Variants in MTA3 observed in about 807,000 individuals in gnomAD.
MTA3 encodes the protein metastasis-associated protein MTA3.
Under a neutral mutation model 83.5 loss-of-function variants are expected in MTA3, and 34 were observed. The ratio of observed to expected loss-of-function variants is 0.41; its 90% CI spans 0.31 to 0.54. The LOEUF is 0.54. Among genes scored for constraint, MTA3 ranks in the 20% least tolerant of loss-of-function variants. The pLI is 0.33. For synonymous variants in MTA3, 303 were observed against 252.7 expected (o/e 1.20, Z -1.89); for missense variants, 761 against 726.4 (o/e 1.05, Z -0.55).
chr2:42,574,341 G>C (rs922930316), intron 2 of MTA3, among the ~76,000 whole-genome samples: 11 of 148,400 alleles, frequency 7.4e-5, no homozygotes, highest in Non-Finnish European at 1.5e-4. Context: ...TGGTCAGGCT[G>C]GTCTCGAACT....
intron 8 of MTA3, among the ~76,000 whole-genome samples, chr2:42,670,975 A>G (rs1270354673): frequency 1.3e-5 from 2 of 151,994 alleles, no homozygotes; most frequent in East Asian, 3.9e-4. Flanking sequence ...AATGTTCTTT[A>G]TGGCAAAAGA....
At chr2:42,624,898 C>T (rs907091541) in intron 4 of MTA3, among the ~76,000 whole-genome samples, 9 of 152,212 alleles carry the variant, frequency 5.9e-5, no homozygotes, top group Non-Finnish European at 8.8e-5. Flanking sequence ...CTCCATTCTT[C>T]GCATGTTATC....
intron 8 of MTA3, among the ~76,000 whole-genome samples, chr2:42,674,017 A>G (rs1008948631): frequency 1.3e-5 from 2 of 152,226 alleles, no homozygotes; most frequent in African/African-American, 4.8e-5. Context: ...CAGATTGTCT[A>G]GGATTCTGCT....
intron 2 of MTA3, among the ~76,000 whole-genome samples, chr2:42,549,265 C>T (rs1450356928): frequency 4.4e-5 from 5 of 114,406 alleles, no homozygotes; most frequent in South Asian, 5.0e-4. Context: ...ATATTATATA[C>T]GTGTACGTAT....
In MTA3 at chr2:42,666,276, G is replaced by GA. The variant is rs375258268; in HGVS notation, c.702+6421dup. Among the ~76,000 whole-genome samples the GA allele has an allele frequency of 6.3e-3, 951 of 151,962 alleles. 6 individuals are homozygous for GA. Among genetic ancestry groups the GA allele is most frequent in the African/African-American group, 0.022 (899 of 41,488 alleles). ...TGGGTGACAGAGCGAGACTCCATCT[G>GA]AAAAAAACAAAACAAAACAAAGCGT... On this transcript the variant is annotated intron_variant, in intron 8 of 16. Transcript: ENST00000405094.
chr2:42,716,581 A>G (rs1026486343), intron 14 of MTA3, among the ~76,000 whole-genome samples: 2 of 152,138 alleles, frequency 1.3e-5, no homozygotes, highest in Admixed American at 1.3e-4. Context: ...AACATGCAGT[A>G]TTTGGTTTTC....
chr2:42,726,000 C>T (rs1667786639), intron 16 of MTA3, among the ~76,000 whole-genome samples: 1 of 152,136 alleles, frequency 6.6e-6, no homozygotes, highest in African/African-American at 2.4e-5. Flanking sequence ...GTATAGGATC[C>T]TGATTAACCA....
chr2:42,554,233 C>CA (rs1277096247), intron 2 of MTA3, among the ~76,000 whole-genome samples: 1 of 151,766 alleles, frequency 6.6e-6, no homozygotes, highest in Non-Finnish European at 1.5e-5. Context: ...GACTCCGTCT[C>CA]AAAAAAAATA....
intron 2 of MTA3, among the ~76,000 whole-genome samples, chr2:42,524,838 A>AG (rs1558413528): frequency 6.8e-6 from 1 of 147,396 alleles, no homozygotes; most frequent in East Asian, 2.0e-4. Context: ...AAAAAAAAAA[A>AG]AAGAAAAAAA....
intron 4 of MTA3, among the ~76,000 whole-genome samples, chr2:42,614,528 C>T (rs918466620): frequency 5.3e-5 from 8 of 152,186 alleles, no homozygotes; most frequent in Admixed American, 1.3e-4. Flanking sequence ...CAACACAACT[C>T]CTCACAATTA....
At chr2:42,607,009 G>A (rs1290638137) in intron 3 of MTA3, among the ~76,000 whole-genome samples, 2 of 148,756 alleles carry the variant, frequency 1.3e-5, no homozygotes, top group Non-Finnish European at 3.0e-5. Flanking sequence ...AGTGAGCCGA[G>A]ATGGCAGCAG....
intron 11 of MTA3, among the ~76,000 whole-genome samples, chr2:42,701,422 CAA>C (rs139663615): frequency 1.7e-5 from 2 of 117,018 alleles, no homozygotes; most frequent in African/African-American, 3.2e-5. Context: ...CTGTATCTAT[CAA>C]AAAAAAAAAA....
chr2:42,610,460 C>T (rs1313360325), intron 4 of MTA3, among the ~76,000 whole-genome samples: 1 of 152,154 alleles, frequency 6.6e-6, no homozygotes, highest in Non-Finnish European at 1.5e-5. Context: ...CTCTGGTTCT[C>T]TAACATGGAC....
chr2:42,659,552 C>T (rs1007060669), intron 7 of MTA3: 5 of 234,532 alleles, frequency 2.1e-5, no homozygotes, highest in Admixed American at 1.1e-4. Flanking sequence ...TTCATGATAA[C>T]GACCTGTTTA....
At chr2:42,606,223 C>T (rs796138371) in intron 3 of MTA3, among the ~76,000 whole-genome samples, 506 of 114,214 alleles carry the variant, frequency 4.4e-3, no homozygotes, top group East Asian at 0.013. Context: ...CCCTCCCGGA[C>T]GGGGTGGCTG....
intron 16 of MTA3, among the ~76,000 whole-genome samples, chr2:42,743,148 G>A (rs1669156907): frequency 6.6e-6 from 1 of 152,140 alleles, no homozygotes; most frequent in South Asian, 2.1e-4. Context: ...GAGAAGAAAG[G>A]CAGATGGGCT....
chr2:42,646,348 T>A (rs932361543), intron 6 of MTA3, among the ~76,000 whole-genome samples: 11 of 152,188 alleles, frequency 7.2e-5, no homozygotes, highest in African/African-American at 2.7e-4. Flanking sequence ...CTTTCACATT[T>A]TATTATTAAG....
intron 6 of MTA3, among the ~76,000 whole-genome samples, chr2:42,648,331 T>C (rs1688407337): frequency 6.6e-6 from 1 of 152,232 alleles, no homozygotes; most frequent in African/African-American, 2.4e-5. Flanking sequence ...TGTTTAGGAT[T>C]TGCTGGAATC....
At chr2:42,553,341 G>A (rs553936654) in intron 2 of MTA3, among the ~76,000 whole-genome samples, 114 of 146,206 alleles carry the variant, frequency 7.8e-4, no homozygotes, top group African/African-American at 2.8e-3. Flanking sequence ...GGAGAATGGC[G>A]TGAACCCTGG....
Sources: allele counts gnomAD v4.1 joint callset (sites outside exome capture counted in the v4.1 genomes callset), GRCh38; gene constraint gnomAD v4.1.1; transcripts MANE v1.5; gene names NCBI Gene and HGNC (gene_info 2026-07-23, HGNC 2026-07-21).